DPYD: variants seen among roughly 807,000 people sequenced by gnomAD.
The protein encoded by DPYD is dihydropyrimidine dehydrogenase [NADP(+)].
DPYD carries 109 observed loss-of-function variants against 116.2 expected under a neutral mutation model. The observed-to-expected ratio is 0.94, with a 90% CI of 0.80 to 1.10. DPYD has a LOEUF of 1.10. Among genes scored for constraint, DPYD ranks in the 50% least tolerant of loss-of-function variants. The pLI is 0.00. For synonymous variants in DPYD, 440 were observed against 432.0 expected, an observed-to-expected ratio of 1.02 and a Z score of -0.23; for missense variants, 1,302 against 1,254.5, an observed-to-expected ratio of 1.04 and a Z score of -0.57.
At chr1:97,528,412 A>T (rs1460169874) in intron 12 of DPYD, among the ~76,000 whole-genome samples, 5 of 152,180 alleles carry the variant, frequency 3.3e-5, no homozygotes, top group Non-Finnish European at 4.4e-5. Flanking sequence ...GCATAAAATA[A>T]GACTAGAAAA....
At chr1:97,417,175 T>A (rs912154766) in intron 14 of DPYD, among the ~76,000 whole-genome samples, 1 of 152,210 alleles carries the variant, frequency 6.6e-6, no homozygotes, top group African/African-American at 2.4e-5. Flanking sequence ...CTTCATAATG[T>A]CTTGGATAAG....
At chr1:97,587,565 C>T (rs982183732) in intron 10 of DPYD, among the ~76,000 whole-genome samples, 2 of 152,132 alleles carry the variant, frequency 1.3e-5, no homozygotes, top group African/African-American at 2.4e-5. Context: ...GTGGCTCACA[C>T]CGGTAATCCC....
At chr1:97,135,389 G>A (rs1407870319) in intron 20 of DPYD, among the ~76,000 whole-genome samples, 1 of 152,122 alleles carries the variant, frequency 6.6e-6, no homozygotes, top group African/African-American at 2.4e-5. Context: ...GACCATGAGA[G>A]CTATAAAACT....
At chr1:97,580,660 G>A (rs1437124889) in intron 10 of DPYD, among the ~76,000 whole-genome samples, 1 of 152,112 alleles carries the variant, frequency 6.6e-6, no homozygotes, top group African/African-American at 2.4e-5. Context: ...GTAAAATCCA[G>A]ATTTAGCAAT....
intron 3 of DPYD, among the ~76,000 whole-genome samples, chr1:97,774,439 G>A (rs1421081581): frequency 1.3e-5 from 2 of 152,110 alleles, no homozygotes. Flanking sequence ...TTTGCTAGAG[G>A]CTGTGGCAAT....
rs555597583 is a variant in DPYD at position 97,263,916 on chromosome 1, C to A, written c.2300-28922G>T. On this transcript the variant is annotated intron_variant, in intron 18 of 22. Coordinates refer to ENST00000370192, the MANE Select transcript of DPYD (RefSeq NM_000110.4). Reference sequence around the variant, plus strand: ...TACTTCAGATAATTGAAAAATTACCCCCTTCATTTGATGATCAAAATTTTA... The same window carrying A: ...TACTTCAGATAATTGAAAAATTACCACCTTCATTTGATGATCAAAATTTTA... Among the ~76,000 whole-genome samples the A allele has an allele frequency of 4.6e-5, 7 of 152,058 alleles. No homozygotes were observed. In the South Asian group the frequency reaches 1.2e-3, roughly 27 times the overall value.
At chr1:97,695,303 G>A (rs1004261457) in intron 6 of DPYD, among the ~76,000 whole-genome samples, 2 of 150,162 alleles carry the variant, frequency 1.3e-5, no homozygotes, top group African/African-American at 4.9e-5. Context: ...ATTATTACTG[G>A]TTATTGTGTG....
At chr1:97,738,040 A>G (rs1036306194) in intron 4 of DPYD, among the ~76,000 whole-genome samples, 6 of 152,152 alleles carry the variant, frequency 3.9e-5, no homozygotes, top group African/African-American at 1.2e-4. Context: ...CACATGCAAA[A>G]TCATGGAAAA....
chr1:97,788,900 T>C (rs1314205009), intron 3 of DPYD, among the ~76,000 whole-genome samples: 1 of 152,006 alleles, frequency 6.6e-6, no homozygotes, highest in Non-Finnish European at 1.5e-5. Context: ...GCCTCCCAGG[T>C]TCAAGTCATC....
At chr1:97,402,757 A>T (rs1673442904) in intron 14 of DPYD, among the ~76,000 whole-genome samples, 1 of 152,092 alleles carries the variant, frequency 6.6e-6, no homozygotes, top group African/African-American at 2.4e-5. Context: ...TTTTATAGAT[A>T]TTCTTTATCA....
intron 3 of DPYD, among the ~76,000 whole-genome samples, chr1:97,787,193 T>G (rs1667086227): frequency 6.6e-6 from 1 of 152,220 alleles, no homozygotes; most frequent in Admixed American, 6.5e-5. Flanking sequence ...CCTCTCATCT[T>G]GTTTCACAGA....
chr1:97,230,808 T>C (rs1412703859), intron 19 of DPYD, among the ~76,000 whole-genome samples: 1 of 152,028 alleles, frequency 6.6e-6, no homozygotes, highest in African/African-American at 2.4e-5. Context: ...GACAGAAATT[T>C]AGTTTCTTCT....
chr1:97,705,136 T>C (rs987305008), intron 5 of DPYD, among the ~76,000 whole-genome samples: 4 of 151,590 alleles, frequency 2.6e-5, no homozygotes, highest in African/African-American at 9.8e-5. Flanking sequence ...GAACTCTTTT[T>C]TTTTTTAAAT....
chr1:97,243,063 A>G (rs1277819822), intron 18 of DPYD, among the ~76,000 whole-genome samples: 3 of 151,888 alleles, frequency 2.0e-5, no homozygotes, highest in East Asian at 3.9e-4. Context: ...AGCAGCTACA[A>G]TGGAACTTCC....
intron 20 of DPYD, among the ~76,000 whole-genome samples, chr1:97,166,940 TTTTTA>T (rs1211879652): frequency 2.0e-5 from 3 of 152,196 alleles, no homozygotes; most frequent in South Asian, 2.1e-4. Context: ...TTGGAAAATA[TTTTTA>T]TTTTATTTTC....
chr1:97,139,010 T>C (rs1236124498), intron 20 of DPYD, among the ~76,000 whole-genome samples: 1 of 152,190 alleles, frequency 6.6e-6, no homozygotes, highest in Non-Finnish European at 1.5e-5. Flanking sequence ...GTTAACTCTT[T>C]TCAGGAATTC....
chr1:97,229,203 C>CAAAAA (rs34445661), intron 19 of DPYD, among the ~76,000 whole-genome samples: 4 of 58,580 alleles, frequency 6.8e-5, no homozygotes, highest in South Asian at 8.0e-4. Context: ...GACTCCTTCT[C>CAAAAA]AAAAAAAAAA....
chr1:97,091,520 T>C (rs773363233), intron 21 of DPYD, among the ~76,000 whole-genome samples: 3 of 152,128 alleles, frequency 2.0e-5, no homozygotes, highest in Admixed American at 6.6e-5. Context: ...GTCTGATTCA[T>C]GTGCAGACAG....
At chr1:97,103,356 C>A (rs1242244510) in intron 20 of DPYD, among the ~76,000 whole-genome samples, 1 of 151,978 alleles carries the variant, frequency 6.6e-6, no homozygotes, top group Non-Finnish European at 1.5e-5. Flanking sequence ...GCATGTAATG[C>A]TTAATCACCG....
Sources: gnomAD v4.1 joint callset for allele counts (sites outside exome capture counted in the v4.1 genomes callset) on GRCh38, gnomAD v4.1.1 for gene constraint, MANE v1.5 for transcripts, NCBI Gene and HGNC (gene_info 2026-07-23, HGNC 2026-07-21) for gene names.